NGLY1: variants seen among roughly 807,000 people sequenced by gnomAD.
NGLY1 encodes the protein N-glycanase 1, also known as peptide-N(4)-(N-acetyl-beta-glucosaminyl)asparagine amidase.
Under a neutral mutation model 84.6 loss-of-function variants are expected in NGLY1, and 68 were observed. The ratio of observed to expected loss-of-function variants is 0.80; its 90% confidence interval spans 0.66 to 0.98. The LOEUF is 0.98. Among genes scored for constraint, NGLY1 ranks in the 50% least tolerant of loss-of-function variants. The pLI, the probability that NGLY1 is intolerant of heterozygous loss-of-function variation, is 0.00. For synonymous variants in NGLY1, 280 were observed against 275.2 expected, an observed-to-expected ratio of 1.02 and a Z score of -0.17; for missense variants, 779 against 770.2, an observed-to-expected ratio of 1.01 and a Z score of -0.14.
chr3:25,765,197 C>G (rs1294110511), intron 2 of NGLY1, among the ~76,000 whole-genome samples: 1 of 151,930 alleles, frequency 6.6e-6, no homozygotes, highest in Non-Finnish European at 1.5e-5. Flanking sequence ...TGGTGGCTCA[C>G]GCCTGTAATC....
At chr3:25,728,007 G>T (rs891827548) in intron 10 of NGLY1, among the ~76,000 whole-genome samples, 4 of 152,162 alleles carry the variant, frequency 2.6e-5, no homozygotes, top group African/African-American at 9.6e-5. Flanking sequence ...CTAATTACAG[G>T]TATCTCGAAA....
intron 3 of NGLY1, among the ~76,000 whole-genome samples, chr3:25,762,896 G>A (rs1707383488): frequency 6.6e-6 from 1 of 152,202 alleles, no homozygotes; most frequent in Admixed American, 6.5e-5. Flanking sequence ...GGGGGTTGCA[G>A]TGAGCCAAGA....
intron 7 of NGLY1, chr3:25,734,921 T>G (rs1385355803): frequency 2.6e-6 from 2 of 758,526 alleles, no homozygotes; most frequent in African/African-American, 3.7e-5. Flanking sequence ...TTTTATTGTA[T>G]TAGATTTATA....
chr3:25,740,563 T>C (rs985452417), intron 4 of NGLY1, among the ~76,000 whole-genome samples: 12 of 152,136 alleles, frequency 7.9e-5, no homozygotes, highest in African/African-American at 2.7e-4. Flanking sequence ...AACATAAATA[T>C]GAAGGACATA....
rs760823289 is a variant in NGLY1 at position 25,783,232 on chromosome 3, C to T, written c.131+28G>A. 1 of 1,500,914 alleles carries T rather than the reference C, an allele frequency of 6.7e-7. No homozygotes were observed. The highest frequency in any genetic ancestry group is 9.2e-7 in the Non-Finnish European group (1 of 1,082,568). The allele number at this position is 1,500,914 out of a possible 1,614,324, so 93.0% of individuals were successfully genotyped here. A position where few individuals can be genotyped will look rare whatever the true frequency, so the allele number is the denominator to read the frequency against. ...GTGCCGCGGCCCACCCACCCCGGTA[C>T]CCGCCGTCCGACCCCGTTGCCCTGC... On this transcript the variant is annotated intron_variant, in intron 1 of 11. Coordinates refer to ENST00000280700, the MANE Select transcript of NGLY1 (RefSeq NM_018297.4). This position sits in a 1 kb window ranked among gnomAD's most constrained non-coding sequence, Gnocchi z 4.5.
intron 1 of NGLY1, among the ~76,000 whole-genome samples, chr3:25,789,527 C>G (rs539890515): frequency 2.0e-5 from 3 of 152,278 alleles, no homozygotes; most frequent in South Asian, 2.1e-4. Context: ...CGGATATATA[C>G]TGTTTTGTAA....
intron 3 of NGLY1, chr3:25,755,618 C>T: frequency 4.0e-6 from 6 of 1,498,290 alleles, no homozygotes; most frequent in Non-Finnish European, 2.8e-6. Flanking sequence ...AGAACACAGC[C>T]AATGAAGCAA....
chr3:25,759,611 T>C (rs1158561783), intron 3 of NGLY1, among the ~76,000 whole-genome samples: 10 of 152,114 alleles, frequency 6.6e-5, no homozygotes, highest in Admixed American at 6.5e-4. Context: ...GTCATAAAAA[T>C]AGAAAGTTGC....
At chr3:25,777,589 CCT>C (rs780398429) in intron 2 of NGLY1, 4 of 152,228 alleles carry the variant, frequency 2.6e-5, no homozygotes, top group African/African-American at 4.8e-5. Context: ...AACACTCTTA[CCT>C]GAGAGTTTCA....
Position 25,783,200 on chromosome 3 carries a change from GA to G in NGLY1, c.131+59del. The G allele has an allele frequency of 6.6e-7, 1 of 1,517,504 alleles. No homozygotes were observed. 94.0% of individuals were successfully genotyped at this position (1,517,504 alleles called of 1,614,324 possible). Reference sequence around the variant, plus strand: ...AGGCCGGACGCCCCAGTCCCTGGCCGAACAAGGTGCCGCGGCCCACCCACCC... The same window carrying G: ...AGGCCGGACGCCCCAGTCCCTGGCCGACAAGGTGCCGCGGCCCACCCACCC... On this transcript the variant is annotated intron_variant, in intron 1 of 11. Coordinates refer to ENST00000280700, the MANE Select transcript of NGLY1 (RefSeq NM_018297.4). This position sits in a 1 kb window ranked among gnomAD's most constrained non-coding sequence, Gnocchi z 4.5.
At chr3:25,732,813 T>C (rs539959774) in intron 8 of NGLY1, among the ~76,000 whole-genome samples, 1 of 152,246 alleles carries the variant, frequency 6.6e-6, no homozygotes, top group East Asian at 1.9e-4. Context: ...TGAGAAAAGC[T>C]AGAAAAGCTA....
intron 10 of NGLY1, 53 bp downstream of exon 10, chr3:25,729,080 A>G: frequency 8.5e-7 from 1 of 1,183,168 alleles, no homozygotes; most frequent in Non-Finnish European, 1.1e-6. Context: ...AAGCCAATCT[A>G]TATTTGTTTA....
At chr3:25,734,357 C>CTG in intron 7 of NGLY1, 1 of 156,060 alleles carries the variant, frequency 6.4e-6, no homozygotes, top group Non-Finnish European at 1.4e-5. Flanking sequence ...GCATGAGCCA[C>CTG]CACGCCCAGC....
chr3:25,784,179 T>C (rs1051351248), upstream of NGLY1: 4 of 152,202 alleles, frequency 2.6e-5, no homozygotes, highest in Middle Eastern at 3.2e-3. Context: ...TGGATTCTTT[T>C]CAGAATTTGG....
At chr3:25,758,507 G>A (rs1302751038) in intron 3 of NGLY1, among the ~76,000 whole-genome samples, 3 of 152,128 alleles carry the variant, frequency 2.0e-5, no homozygotes, top group Admixed American at 6.5e-5. Context: ...GAGCCCAGGA[G>A]GTCAGAGCTG....
Position 25,778,710 on chromosome 3 carries a change from A to G in NGLY1, c.132-22T>C. ...GTTTCTGACAAAAAACAAAAGTTTG[A>G]TTATATATAAAAAAAACCAGGTCAT... On this transcript the variant is annotated intron_variant, in intron 1 of 11. Transcript: ENST00000280700. 3 of 1,448,246 alleles carry G rather than the reference A, an allele frequency of 2.1e-6. No individual in the cohort carries two copies. The South Asian group carries it at 3.7e-5, about 18-fold the overall frequency. 89.7% of individuals were successfully genotyped at this position (1,448,246 alleles called of 1,614,324 possible). A position where few individuals can be genotyped will look rare whatever the true frequency, so the allele number is the denominator to read the frequency against.
At position 25,762,862 on chromosome 3, in the gene NGLY1, T is replaced by C. The variant is rs188365069; in HGVS notation, c.492+1204A>G. 1.6e-3 allele frequency among the ~76,000 whole-genome samples: 247 copies of C among 152,174 alleles called. 1 individual carries two copies. The highest frequency in any genetic ancestry group is 5.8e-3 in the African/African-American group (240 of 41,528). ...CCAGCTACTCGGGAGGCGCAGGCTA[T>C]AGAATCTCTTGAACCCAGGAGGTGG... On this transcript the variant is annotated intron_variant, in intron 3 of 11. Transcript: ENST00000280700.
rs147632725 is a variant in NGLY1 at position 25,735,861 on chromosome 3, A to C, written c.1149+143T>G. 158 of 709,522 alleles carry C rather than the reference A, an allele frequency of 2.2e-4. 1 individual carries two copies. In the Middle Eastern group the frequency reaches 5.3e-3, roughly 24 times the overall value. The allele number at this position is 709,522 out of a possible 1,614,324, so 44.0% of individuals were successfully genotyped here. On this transcript the variant is annotated intron_variant, in intron 7 of 11. Coordinates refer to ENST00000280700, the MANE Select transcript of NGLY1 (RefSeq NM_018297.4). ...AATACTGATTTGCAGTGATGATTTC[A>C]GTGTATACAAATAAAACTTATCAAA... is the stretch of plus-strand genomic sequence containing the variant.
At chr3:25,739,041 G>GATA (rs1238148614) in intron 5 of NGLY1, among the ~76,000 whole-genome samples, 2 of 152,062 alleles carry the variant, frequency 1.3e-5, no homozygotes, top group Non-Finnish European at 2.9e-5. Context: ...TAATAAGACT[G>GATA]ATAATAATAA....
Sources: gnomAD v4.1 joint callset for allele counts (sites outside exome capture counted in the v4.1 genomes callset) on GRCh38, gnomAD v4.1.1 for gene constraint, Gnocchi (gnomAD v3.1) non-coding constraint, MANE v1.5 for transcripts, NCBI Gene and HGNC (gene_info 2026-07-23, HGNC 2026-07-21) for gene names.